The following PHACTR4 variants were observed in gnomAD, a reference collection of about 807,000 sequenced individuals.
The protein encoded by PHACTR4 is protein phosphatase 1, regulatory subunit 124.
A neutral mutation model predicts 72.7 loss-of-function variants in PHACTR4; 51 were observed. The observed-to-expected ratio is 0.70, with a 90% CI of 0.56 to 0.89. The LOEUF is 0.89. Among genes scored for constraint, PHACTR4 ranks in the 40% least tolerant of loss-of-function variants. The probability of loss-of-function intolerance (pLI) is 0.00; values close to 1 mark genes in which losing one functional copy is unlikely to be tolerated. For synonymous variants in PHACTR4, 255 were observed against 302.5 expected (o/e 0.84, Z 1.63); for missense variants, 731 against 861.8 (o/e 0.85, Z 1.90).
chr1:28,453,879 C>T, intron 2 of PHACTR4: 1 of 855,288 alleles, frequency 1.2e-6, no homozygotes, highest in Non-Finnish European at 1.9e-6. Context: ...TGGATCAGGA[C>T]CAAAAGAAGA....
chr1:28,445,116 G>A (rs920117180), intron 2 of PHACTR4, among the ~76,000 whole-genome samples: 9 of 149,380 alleles, frequency 6.0e-5, no homozygotes, highest in Admixed American at 4.7e-4. Flanking sequence ...CAGCATGCCC[G>A]ACTAATTTTT....
intron 2 of PHACTR4, among the ~76,000 whole-genome samples, chr1:28,431,072 G>A (rs1385359865): frequency 6.6e-6 from 1 of 151,092 alleles, no homozygotes; most frequent in African/African-American, 2.4e-5. Context: ...CCAGCTACTC[G>A]GGATGCTGAG....
At chr1:28,378,495 T>G (rs557089227) in intron 1 of PHACTR4, among the ~76,000 whole-genome samples, 1 of 151,828 alleles carries the variant, frequency 6.6e-6, no homozygotes, top group Non-Finnish European at 1.5e-5. Flanking sequence ...AGAGTGAGAC[T>G]TCATCTCAAA....
intron 2 of PHACTR4, among the ~76,000 whole-genome samples, chr1:28,457,636 T>A (rs1018627814): frequency 2.0e-4 from 30 of 151,888 alleles, no homozygotes; most frequent in Middle Eastern, 6.8e-3. Flanking sequence ...TAAATTTTTT[T>A]AAAAAAGATG....
At chr1:28,457,599 T>G (rs1658483238) in intron 2 of PHACTR4, among the ~76,000 whole-genome samples, 1 of 151,926 alleles carries the variant, frequency 6.6e-6, no homozygotes. Context: ...TGAGACCCTG[T>G]TTCTAAAATA....
chr1:28,451,615 T>C (rs1371897720), intron 2 of PHACTR4, among the ~76,000 whole-genome samples: 1 of 151,854 alleles, frequency 6.6e-6, no homozygotes, highest in East Asian at 1.9e-4. Flanking sequence ...CTTAATTAGA[T>C]CTAATCAGCC....
At chr1:28,389,546 C>A (rs144669305) in intron 1 of PHACTR4, among the ~76,000 whole-genome samples, 8 of 149,430 alleles carry the variant, frequency 5.4e-5, no homozygotes, top group Non-Finnish European at 1.0e-4. Context: ...GACGCAATCT[C>A]GGCTCACTGC....
chr1:28,449,932 A>C (rs1657818410), intron 2 of PHACTR4, among the ~76,000 whole-genome samples: 2 of 152,070 alleles, frequency 1.3e-5, no homozygotes, highest in Non-Finnish European at 2.9e-5. Flanking sequence ...ATTTACTAGG[A>C]AAAATATGGT....
At chr1:28,444,214 C>CTTTTTTTTTTTTTTTTTTTTTTTTTTTT (rs746642128) in intron 2 of PHACTR4, among the ~76,000 whole-genome samples, 1 of 41,088 alleles carries the variant, frequency 2.4e-5, no homozygotes, top group Non-Finnish European at 4.9e-5. Context: ...ATATATTTGG[C>CTTTTTTTTTTTTTTTTTTTTTTTTTTTT]TTTTTTTTTT....
In PHACTR4 at chr1:28,460,523, C is replaced by T. The variant is rs886853555; in HGVS notation, c.271+231C>T. Among the ~76,000 whole-genome samples the T allele has an allele frequency of 2.0e-5, 3 of 152,024 alleles. No individual in the cohort carries two copies. In the East Asian group the frequency reaches 5.8e-4, roughly 29 times the overall value. On this transcript the variant is annotated intron_variant, in intron 4 of 13. Coordinates refer to ENST00000373839, the MANE Select transcript of PHACTR4 (RefSeq NM_001048183.3). ...ATATTGCGTGTCTTTTTTTTCCCCC[C>T]CTTGAGACAGAGTCTTGCTCTGTTG...
At chr1:28,447,083 T>C (rs1488967305) in intron 2 of PHACTR4, among the ~76,000 whole-genome samples, 1 of 152,074 alleles carries the variant, frequency 6.6e-6, no homozygotes, top group Non-Finnish European at 1.5e-5. Flanking sequence ...CGATCTCAGC[T>C]CACTGCAACC....
intron 1 of PHACTR4, among the ~76,000 whole-genome samples, chr1:28,387,599 T>TG (rs1652660612): frequency 6.6e-6 from 1 of 151,776 alleles, no homozygotes; most frequent in African/African-American, 2.4e-5. Context: ...TATTAAAGGG[T>TG]GAAAGGCTGG....
intron 2 of PHACTR4, among the ~76,000 whole-genome samples, chr1:28,432,597 T>C (rs372444572): frequency 6.6e-5 from 10 of 150,842 alleles, no homozygotes; most frequent in African/African-American, 2.4e-4. Context: ...TGATCGCACC[T>C]CTGCACTCCA....
chr1:28,485,306 A>G (rs947514149), intron 9 of PHACTR4, among the ~76,000 whole-genome samples: 1 of 152,076 alleles, frequency 6.6e-6, no homozygotes, highest in Non-Finnish European at 1.5e-5. Context: ...TTAATACTGT[A>G]GACTGGGCGC....
chr1:28,455,284 C>T (rs554713516), intron 2 of PHACTR4, among the ~76,000 whole-genome samples: 2 of 148,414 alleles, frequency 1.3e-5, no homozygotes, highest in South Asian at 2.1e-4. Context: ...CTGCAACCTC[C>T]GCCTCCCAAG....
intron 8 of PHACTR4, among the ~76,000 whole-genome samples, chr1:28,476,772 C>CTTTTTTTTTTT (rs35369238): frequency 1.4e-4 from 14 of 98,428 alleles, no homozygotes; most frequent in African/African-American, 3.4e-4. Context: ...CTAGCCTGTT[C>CTTTTTTTTTTT]TTTTTTTTTT....
At chr1:28,402,966 A>G (rs571147909) in intron 1 of PHACTR4, among the ~76,000 whole-genome samples, 29 of 152,348 alleles carry the variant, frequency 1.9e-4, no homozygotes, top group Non-Finnish European at 3.4e-4. Flanking sequence ...TTAAAGGTCT[A>G]TAAGAGTCCC....
intron 2 of PHACTR4, among the ~76,000 whole-genome samples, chr1:28,458,678 A>G (rs1044027359): frequency 6.6e-6 from 1 of 152,202 alleles, no homozygotes; most frequent in Non-Finnish European, 1.5e-5. Context: ...TTATATCCTG[A>G]AAAGGGCAGG....
At chr1:28,453,638 G>T in intron 2 of PHACTR4, 4 of 1,263,442 alleles carry the variant, frequency 3.2e-6, no homozygotes, top group Non-Finnish European at 4.5e-6. Context: ...AGAGAAGAGA[G>T]ACTCGGTTCT....
Sources: allele counts gnomAD v4.1 joint callset (sites outside exome capture counted in the v4.1 genomes callset), GRCh38; gene constraint gnomAD v4.1.1; transcripts MANE v1.5; gene names NCBI Gene and HGNC (gene_info 2026-07-23, HGNC 2026-07-21).